The following GRID2 variants were observed in gnomAD, a reference collection of about 807,000 sequenced individuals.
GRID2 encodes glutamate ionotropic receptor delta type subunit 2.
In GRID2, 33 loss-of-function variants were observed where a neutral mutation model predicts 114.8. That is an observed-to-expected ratio of 0.29 (90% CI 0.22 to 0.38). The LOEUF (loss-of-function observed/expected upper bound fraction) is 0.38, where lower values mean the gene tolerates loss of function less well. Ranked by LOEUF, GRID2 falls within the 10% of genes least tolerant of loss-of-function variation. The pLI, the probability that GRID2 is intolerant of heterozygous loss-of-function variation, is 1.00. For missense variants in GRID2, 1,184 were observed against 1,257.7 expected, an observed-to-expected ratio of 0.94 and a Z score of 0.89; for synonymous variants, 505 against 449.9, an observed-to-expected ratio of 1.12 and a Z score of -1.55.
At chr4:92,919,118 G>A (rs1399275220) in intron 2 of GRID2, among the ~76,000 whole-genome samples, 1 of 152,066 alleles carries the variant, frequency 6.6e-6, no homozygotes, top group Non-Finnish European at 1.5e-5. Flanking sequence ...ATTTTTTCTA[G>A]ATTTTCTAGT....
At chr4:93,101,490 T>C (rs1731704468) in intron 3 of GRID2, among the ~76,000 whole-genome samples, 1 of 152,080 alleles carries the variant, frequency 6.6e-6, no homozygotes. Context: ...CTTTTATATG[T>C]TGAGAAATAT....
intron 14 of GRID2, among the ~76,000 whole-genome samples, chr4:93,716,633 A>G (rs1728926298): frequency 3.3e-5 from 5 of 151,876 alleles, no homozygotes; most frequent in Admixed American, 3.3e-4. Context: ...TTTAATATGT[A>G]TGTAAATATA....
intron 2 of GRID2, among the ~76,000 whole-genome samples, chr4:92,968,301 A>T (rs1256564364): frequency 6.6e-6 from 1 of 151,876 alleles, no homozygotes; most frequent in Non-Finnish European, 1.5e-5. Flanking sequence ...TGTTGGTTAA[A>T]ACTCAGGCTT....
intron 8 of GRID2, among the ~76,000 whole-genome samples, chr4:93,301,674 G>T (rs5019028): frequency 0.75 from 114,447 of 152,008 alleles, 43,703 homozygotes; most frequent in African/African-American, 0.87. Flanking sequence ...TTATTTTTAT[G>T]CTTAGTTACA....
intron 2 of GRID2, among the ~76,000 whole-genome samples, chr4:92,712,147 G>C (rs565794818): frequency 1.3e-5 from 2 of 152,086 alleles, no homozygotes; most frequent in Non-Finnish European, 2.9e-5. Context: ...GTTTCTCTGA[G>C]TAAATTGTAT....
At chr4:93,368,925 T>TTTGTTATTTATTGAGAGAAAG (rs545152069) in intron 8 of GRID2, among the ~76,000 whole-genome samples, 181 of 152,238 alleles carry the variant, frequency 1.2e-3, no homozygotes, top group Middle Eastern at 3.4e-3. Context: ...GAGAGAAAGT[T>TTTGTTATTTATTGAGAGAAAG]TTAGTTATTG....
rs191965882 is a variant in GRID2, at chr4:93,344,466, A to G, written c.1246-51141A>G. ...GGTAAAATTGACAAATAAAAATTGTATGTATTCACAGTATACAAGGCAATG... is the reference window on the plus strand; with the variant it reads ...GGTAAAATTGACAAATAAAAATTGTGTGTATTCACAGTATACAAGGCAATG... On this transcript the variant is annotated intron_variant, in intron 8 of 15. Transcript: ENST00000282020. Among the ~76,000 whole-genome samples, 12 of 151,902 alleles carry G rather than the reference A, an allele frequency of 7.9e-5. No individual in the cohort carries two copies. The East Asian group carries it at 2.3e-3, about 29-fold the overall frequency.
chr4:92,549,126 A>AT (rs1726442478), intron 1 of GRID2, among the ~76,000 whole-genome samples: 1 of 151,668 alleles, frequency 6.6e-6, no homozygotes, highest in Admixed American at 6.6e-5. Flanking sequence ...CTTCCGCAAA[A>AT]AAAAAAAAAA....
intron 8 of GRID2, among the ~76,000 whole-genome samples, chr4:93,281,152 G>A (rs537612940): frequency 6.6e-6 from 1 of 152,020 alleles, no homozygotes; most frequent in African/African-American, 2.4e-5. Flanking sequence ...ATGGGGGCAC[G>A]AGGGGAGTGG....
chr4:92,880,299 C>T (rs1384783261), intron 2 of GRID2, among the ~76,000 whole-genome samples: 2 of 152,126 alleles, frequency 1.3e-5, no homozygotes, highest in Non-Finnish European at 2.9e-5. Flanking sequence ...GCTTTATTTT[C>T]CTGTAAAGAT....
At chr4:92,363,132 G>A (rs1728693768) in intron 1 of GRID2, among the ~76,000 whole-genome samples, 1 of 152,030 alleles carries the variant, frequency 6.6e-6, no homozygotes, top group Non-Finnish European at 1.5e-5. Context: ...CACTCTGTGT[G>A]GCAGCATCAG....
chr4:92,573,998 G>T (rs1579607790), intron 1 of GRID2, among the ~76,000 whole-genome samples: 1 of 152,090 alleles, frequency 6.6e-6, no homozygotes, highest in African/African-American at 2.4e-5. Context: ...CCTGTATTGG[G>T]TGCATATATA....
At chr4:93,113,384 A>G (rs952616756) in intron 4 of GRID2, among the ~76,000 whole-genome samples, 4 of 152,170 alleles carry the variant, frequency 2.6e-5, no homozygotes, top group African/African-American at 9.7e-5. Flanking sequence ...TAATTCCAAT[A>G]AGTTTGTCTC....
intron 1 of GRID2, among the ~76,000 whole-genome samples, chr4:92,579,126 A>G (rs1425355627): frequency 2.6e-5 from 4 of 152,126 alleles, no homozygotes; most frequent in Non-Finnish European, 5.9e-5. Context: ...TTCATACACC[A>G]GGAGGGCATA....
chr4:92,758,480 G>A (rs1737836244), intron 2 of GRID2, among the ~76,000 whole-genome samples: 1 of 151,922 alleles, frequency 6.6e-6, no homozygotes, highest in African/African-American at 2.4e-5. Flanking sequence ...ATGAACTTTT[G>A]AGTCAAATAG....
At chr4:92,420,465 A>G (rs1439988571) in intron 1 of GRID2, among the ~76,000 whole-genome samples, 1 of 152,146 alleles carries the variant, frequency 6.6e-6, no homozygotes, top group East Asian at 1.9e-4. Flanking sequence ...CATATTTTAA[A>G]TATAATAAAA....
intron 14 of GRID2, among the ~76,000 whole-genome samples, chr4:93,662,867 C>T (rs1371932225): frequency 6.6e-6 from 1 of 152,164 alleles, no homozygotes; most frequent in Non-Finnish European, 1.5e-5. Context: ...TAGATTCTAG[C>T]TAAACTGCCC....
intron 1 of GRID2, among the ~76,000 whole-genome samples, chr4:92,503,467 C>T (rs554147942): frequency 3.9e-5 from 6 of 152,100 alleles, no homozygotes; most frequent in South Asian, 2.1e-4. Context: ...GTGTCATTTC[C>T]GTTTTTTATG....
intron 2 of GRID2, among the ~76,000 whole-genome samples, chr4:92,766,679 C>A (rs1033586166): frequency 5.9e-5 from 9 of 151,896 alleles, no homozygotes; most frequent in African/African-American, 2.2e-4. Flanking sequence ...CATTGCTAAT[C>A]ATAGAAAAAT....
Sources: gnomAD v4.1 joint callset for allele counts (sites outside exome capture counted in the v4.1 genomes callset) on GRCh38, gnomAD v4.1.1 for gene constraint, MANE v1.5 for transcripts, NCBI Gene and HGNC (gene_info 2026-07-23, HGNC 2026-07-21) for gene names.